The following TP53INP1 variants were observed in gnomAD, a reference collection of about 807,000 sequenced individuals.
The protein encoded by TP53INP1 is tumor protein p53 inducible nuclear protein 1.
A neutral mutation model predicts 21.0 loss-of-function variants in TP53INP1; 12 were observed. The observed-to-expected ratio is 0.57, with a 90% CI of 0.37 to 0.93. The LOEUF (loss-of-function observed/expected upper bound fraction) is 0.93, where lower values mean the gene tolerates loss of function less well. Among genes scored for constraint, TP53INP1 ranks in the 40% least tolerant of loss-of-function variants. TP53INP1 has a pLI of 0.01. For missense variants in TP53INP1, 274 were observed against 294.7 expected (o/e 0.93, Z 0.51); for synonymous variants, 91 against 94.8 (o/e 0.96, Z 0.23).
chr8:94,941,004 C>A lies in TP53INP1; in HGVS notation c.-63G>T. The A allele has an allele frequency of 7.8e-7, 1 of 1,283,844 alleles. No individual in the cohort carries two copies. The highest frequency in any genetic ancestry group is 1.2e-5 in the South Asian group (1 of 80,620). The allele number at this position is 1,283,844 out of a possible 1,614,324, so 79.5% of individuals were successfully genotyped here. A position where few individuals can be genotyped will look rare whatever the true frequency, so the allele number is the denominator to read the frequency against. On this transcript the variant is annotated 5_prime_UTR_variant, in exon 2 of 4. Transcript: ENST00000342697. ...TATAGCTGAGATTTCAAAACCTTGT[C>A]TTTAGTTGGCCCAATGGTACCGACA...
intron 3 of TP53INP1, among the ~76,000 whole-genome samples, chr8:94,931,388 C>G (rs1267655307): frequency 6.6e-6 from 1 of 151,900 alleles, no homozygotes; most frequent in African/African-American, 2.4e-5. Flanking sequence ...CAATATAAGA[C>G]TCTTGAATAA....
At chr8:94,941,204 C>G (rs575388609) in intron 1 of TP53INP1, 113 bp from the exon 2 acceptor site, 34 of 316,418 alleles carry the variant, frequency 1.1e-4, no homozygotes, top group Non-Finnish European at 1.8e-4. Context: ...GGCCTACATT[C>G]TACAGCTATT....
rs748061387 is a variant in TP53INP1 at position 94,939,702 on chromosome 8, A to G, written c.473+158T>C. The G allele has an allele frequency of 1.4e-5, 15 of 1,089,978 alleles. No individual in the cohort carries two copies. In the Admixed American group the frequency reaches 3.0e-4, roughly 22 times the overall value. 67.5% of individuals were successfully genotyped at this position (1,089,978 alleles called of 1,614,324 possible). On this transcript the variant is annotated intron_variant, in intron 3 of 3. Transcript: ENST00000342697. ...TGTGAGACACTGTGACTGGTCAACA[A>G]GTTATCTTACGGACCATCTTGTGTA...
intron 3 of TP53INP1, chr8:94,931,947 G>T: frequency 1.1e-6 from 1 of 912,028 alleles, no homozygotes; most frequent in Non-Finnish European, 1.6e-6. Context: ...ACTCCAGCCT[G>T]AGTGACAGAG....
At chr8:94,942,220 T>G (rs1387332168) in intron 1 of TP53INP1, among the ~76,000 whole-genome samples, 1 of 151,928 alleles carries the variant, frequency 6.6e-6, no homozygotes, top group Non-Finnish European at 1.5e-5. Context: ...TTTTTTTTAT[T>G]TAGTGGAGAC....
At chr8:94,943,044 C>T (rs117541689) in intron 1 of TP53INP1, among the ~76,000 whole-genome samples, 599 of 152,220 alleles carry the variant, frequency 3.9e-3, no homozygotes, top group Middle Eastern at 0.027. Context: ...TTAGGCATTT[C>T]GAATATGGTA....
intron 1 of TP53INP1, among the ~76,000 whole-genome samples, chr8:94,943,259 C>T (rs2131379092): frequency 6.6e-6 from 1 of 152,202 alleles, no homozygotes; most frequent in Non-Finnish European, 1.5e-5. Context: ...GAGGCTGAGG[C>T]CACAGGAATG....
chr8:94,932,600 A>G (rs1820523895), intron 3 of TP53INP1, among the ~76,000 whole-genome samples: 1 of 151,948 alleles, frequency 6.6e-6, no homozygotes, highest in Admixed American at 6.6e-5. Flanking sequence ...TCAGGAGATC[A>G]AGACCATCCT....
At chr8:94,947,507 G>A (rs1348544152) in intron 1 of TP53INP1, among the ~76,000 whole-genome samples, 1 of 152,142 alleles carries the variant, frequency 6.6e-6, no homozygotes, top group South Asian at 2.1e-4. Context: ...ACCAAGCCAA[G>A]AAAGTTATCT....
Position 94,926,705 on chromosome 8 carries a change from C to T in TP53INP1, c.*3774G>A, listed in dbSNP as rs1006447855. ...TGCCTTTCAAGAGTAACTCTCCTCC[C>T]ATGCAAAGGATACTGTTGCACATAA... On this transcript the variant is annotated 3_prime_UTR_variant, in exon 4 of 4. Transcript: ENST00000342697. 1.3e-5 allele frequency: 2 copies of T among 152,196 alleles called. No homozygotes were observed. Among genetic ancestry groups the T allele is most frequent in the Admixed American group, 1.3e-4 (2 of 15,274 alleles). 9.4% of individuals were successfully genotyped at this position (152,196 alleles called of 1,614,324 possible).
At chr8:94,945,422 A>C (rs901713005) in intron 1 of TP53INP1, 2 of 152,224 alleles carry the variant, frequency 1.3e-5, no homozygotes, top group Non-Finnish European at 2.9e-5. Context: ...TCCTTTTTAA[A>C]TATGGCTACT....
intron 1 of TP53INP1, among the ~76,000 whole-genome samples, chr8:94,946,724 A>G (rs139676141): frequency 3.4e-5 from 5 of 147,462 alleles, no homozygotes; most frequent in Non-Finnish European, 7.5e-5. Flanking sequence ...AAAAAAAGAC[A>G]GGCCCTGGAG....
At chr8:94,931,614 A>C (rs1230053037) in intron 3 of TP53INP1, among the ~76,000 whole-genome samples, 2 of 152,098 alleles carry the variant, frequency 1.3e-5, no homozygotes, top group Non-Finnish European at 2.9e-5. Context: ...ACACACATAA[A>C]ATTTTTTTAA....
intron 1 of TP53INP1, among the ~76,000 whole-genome samples, chr8:94,945,782 A>G (rs567162942): frequency 5.3e-5 from 8 of 152,376 alleles, no homozygotes; most frequent in Admixed American, 5.2e-4. Flanking sequence ...AAAGAGGTGA[A>G]GCAAAGAAGG....
At position 94,939,872 on chromosome 8, in the gene TP53INP1, G is replaced by C. The variant is rs1417174357; in HGVS notation, c.461C>G (p.Pro154Arg). 2.5e-6 allele frequency: 4 copies of C among 1,612,398 alleles called. No homozygotes were observed. In the African/African-American group the frequency reaches 4.0e-5, roughly 16 times the overall value. Residue 154 changes from proline (P) to arginine (R), a missense_variant, in exon 3 of 4, where the codon CCA (proline) becomes CGA (arginine). Pro to Arg is a moderately radical substitution (Grantham distance 103). Coordinates refer to ENST00000342697, the MANE Select transcript of TP53INP1 (RefSeq NM_033285.4). ...ATRGTDELHS[P>R]SSPRVEAQNE... ...ACTTGTAACGTACCTGGGACTACTT[G>C]GGCTATGTAATTCATCAGTCCCACG...
intron 1 of TP53INP1, among the ~76,000 whole-genome samples, chr8:94,941,899 G>A (rs181837568): frequency 3.3e-5 from 5 of 152,108 alleles, no homozygotes; most frequent in Admixed American, 1.3e-4. Flanking sequence ...CCTGATGGGC[G>A]TATCAAACCA....
Position 94,928,635 on chromosome 8 carries a change from T to G in TP53INP1, c.*1844A>C, listed in dbSNP as rs937202454. Reference sequence around the variant, plus strand: ...TAAGGAGAAAGGGGGAATCTAACTCTTGTTCTAAAGAGACATTCTGGCACT... The same window carrying G: ...TAAGGAGAAAGGGGGAATCTAACTCGTGTTCTAAAGAGACATTCTGGCACT... On this transcript the variant is annotated 3_prime_UTR_variant, in exon 4 of 4. Coordinates refer to ENST00000342697, the MANE Select transcript of TP53INP1 (RefSeq NM_033285.4). 2 of 152,314 alleles carry G rather than the reference T, an allele frequency of 1.3e-5. No individual in the cohort carries two copies. Among genetic ancestry groups the G allele is most frequent in the African/African-American group, 4.8e-5 (2 of 41,438 alleles). The allele number at this position is 152,314 out of a possible 1,614,324, so 9.4% of individuals were successfully genotyped here. A position where few individuals can be genotyped will look rare whatever the true frequency, so the allele number is the denominator to read the frequency against.
chr8:94,941,680 A>G (rs1335275863), intron 1 of TP53INP1, among the ~76,000 whole-genome samples: 1 of 152,162 alleles, frequency 6.6e-6, no homozygotes, highest in Non-Finnish European at 1.5e-5. Context: ...AGAACTGGAA[A>G]CACCCTTCCT....
chr8:94,929,138 CTG>C lies in TP53INP1; in HGVS notation c.*1339_*1340del, dbSNP rs796397180. The C allele has an allele frequency of 2.0e-5, 3 of 152,750 alleles. No individual in the cohort carries two copies. Among genetic ancestry groups the C allele is most frequent in the African/African-American group, 7.2e-5 (3 of 41,570 alleles). 9.5% of individuals were successfully genotyped at this position (152,750 alleles called of 1,614,324 possible). ...CACCCTGGCCTCATTAGCACCAACACTGTGAAGAACAGCTGTGGCAGAGAAAG... is the reference window on the plus strand; with the variant it reads ...CACCCTGGCCTCATTAGCACCAACACTGAAGAACAGCTGTGGCAGAGAAAG... On this transcript the variant is annotated 3_prime_UTR_variant, in exon 4 of 4. Transcript: ENST00000342697.
Sources: allele counts gnomAD v4.1 joint callset (sites outside exome capture counted in the v4.1 genomes callset), GRCh38; gene constraint gnomAD v4.1.1; transcripts MANE v1.5; gene names NCBI Gene and HGNC (gene_info 2026-07-23, HGNC 2026-07-21).